The following TTC28 variants were observed in gnomAD, a reference collection of about 807,000 sequenced individuals.
TTC28 encodes the protein tetratricopeptide repeat domain 28.
Under a neutral mutation model 198.0 loss-of-function variants are expected in TTC28, and 61 were observed. The observed-to-expected ratio is 0.31, with a 90% CI of 0.25 to 0.38. TTC28 has a LOEUF of 0.38. Ranked by LOEUF, TTC28 falls within the 10% of genes least tolerant of loss-of-function variation. The pLI, the probability that TTC28 is intolerant of heterozygous loss-of-function variation, is 1.00. For missense variants in TTC28, 2,678 were observed against 3,164.0 expected (o/e 0.85, Z 3.69); for synonymous variants, 1,171 against 1,297.8 (o/e 0.90, Z 2.10).
At chr22:28,255,489 C>A (rs1488301752) in intron 5 of TTC28, among the ~76,000 whole-genome samples, 4 of 152,086 alleles carry the variant, frequency 2.6e-5, no homozygotes, top group Non-Finnish European at 5.9e-5. Context: ...CAAGACCAGC[C>A]TGACCAACGT....
chr22:28,223,371 T>C (rs991312585), intron 5 of TTC28, among the ~76,000 whole-genome samples: 11 of 152,232 alleles, frequency 7.2e-5, no homozygotes, highest in African/African-American at 2.7e-4. Flanking sequence ...AAAGGATACC[T>C]TGGTTTCTTC....
At chr22:28,108,602 C>T (rs944608941) in intron 6 of TTC28, among the ~76,000 whole-genome samples, 199 bp from the exon 7 acceptor site, 4 of 151,718 alleles carry the variant, frequency 2.6e-5, no homozygotes, top group Non-Finnish European at 4.4e-5. Context: ...CAGAAAAAAA[C>T]ATTTACTGAT....
chr22:28,528,457 C>T (rs1245708611), intron 2 of TTC28, among the ~76,000 whole-genome samples: 1 of 151,856 alleles, frequency 6.6e-6, no homozygotes, highest in Non-Finnish European at 1.5e-5. Flanking sequence ...AGGCCAGGCA[C>T]AGTGGCTCAT....
rs982794344 is a variant in TTC28, at chr22:27,980,403, T to G, written c.*1818A>C. ...AATAAGACATGCTTATTGTTGGCTT[T>G]TGTCAACATGGCTGTTGGTTAAATT... is the stretch of plus-strand genomic sequence containing the variant. On this transcript the variant is annotated 3_prime_UTR_variant, in exon 23 of 23. Transcript: ENST00000397906. 3 of 152,242 alleles carry G rather than the reference T, an allele frequency of 2.0e-5. No individual in the cohort carries two copies. The highest frequency in any genetic ancestry group is 7.2e-5 in the African/African-American group (3 of 41,462). The allele number at this position is 152,242 out of a possible 1,614,324, so 9.4% of individuals were successfully genotyped here. A position where few individuals can be genotyped will look rare whatever the true frequency, so the allele number is the denominator to read the frequency against.
rs1389066808 is a variant in TTC28 at position 28,082,123 on chromosome 22, A to C, written c.3932+11957T>G. Among the ~76,000 whole-genome samples, 7 of 152,296 alleles carry C rather than the reference A, an allele frequency of 4.6e-5. No individual in the cohort carries two copies. In the East Asian group the frequency reaches 9.6e-4, roughly 21 times the overall value. On this transcript the variant is annotated intron_variant, in intron 12 of 22. Transcript: ENST00000397906. ...GATTTCATATCCTGCAGATTTACTA[A>C]ATCTGTTTATTAGCTCTAATAGTTT...
chr22:28,382,874 T>C (rs2046516948), intron 2 of TTC28, among the ~76,000 whole-genome samples: 1 of 152,170 alleles, frequency 6.6e-6, no homozygotes, highest in Non-Finnish European at 1.5e-5. Flanking sequence ...TGTATGAAAC[T>C]ATTTGTACCA....
chr22:28,177,318 G>A (rs75222213), intron 5 of TTC28, among the ~76,000 whole-genome samples: 2,893 of 152,260 alleles, frequency 0.019, 39 homozygotes, highest in Non-Finnish European at 0.029. Context: ...CACTACATAC[G>A]TATTAGAACA....
In TTC28 at chr22:28,651,566, C is replaced by A. The variant is rs555740831; in HGVS notation, c.103-21736G>T. ...ATGTAACTGGGACCACAGGTGTATG[C>A]CACCACACCTGGCTAATTTTTTATT... is the stretch of plus-strand genomic sequence containing the variant. On this transcript the variant is annotated intron_variant, in intron 1 of 22. Coordinates refer to ENST00000397906, the MANE Select transcript of TTC28 (RefSeq NM_001145418.2). 2.6e-5 allele frequency among the ~76,000 whole-genome samples: 4 copies of A among 152,070 alleles called. No individual in the cohort carries two copies. The East Asian group carries it at 7.8e-4, about 30-fold the overall frequency.
At chr22:28,050,072 G>C (rs1431805809) in intron 12 of TTC28, among the ~76,000 whole-genome samples, 1 of 152,114 alleles carries the variant, frequency 6.6e-6, no homozygotes, top group Admixed American at 6.5e-5. Flanking sequence ...AGCTATAAGG[G>C]TACAGCTGGG....
intron 2 of TTC28, among the ~76,000 whole-genome samples, chr22:28,569,859 A>G (rs2050034064): frequency 6.6e-6 from 1 of 152,078 alleles, no homozygotes; most frequent in East Asian, 1.9e-4. Context: ...TAAATCAACA[A>G]GCAACAACCA....
At chr22:28,507,264 C>T (rs2048624892) in intron 2 of TTC28, among the ~76,000 whole-genome samples, 1 of 152,106 alleles carries the variant, frequency 6.6e-6, no homozygotes. Context: ...CCTCACAATG[C>T]CATCACAAGT....
intron 2 of TTC28, among the ~76,000 whole-genome samples, chr22:28,470,208 T>A (rs985597646): frequency 6.6e-6 from 1 of 152,218 alleles, no homozygotes; most frequent in Non-Finnish European, 1.5e-5. Context: ...TTTATTACAG[T>A]GGCAACAGGA....
intron 5 of TTC28, among the ~76,000 whole-genome samples, chr22:28,191,669 T>G (rs1220352895): frequency 6.6e-6 from 1 of 152,234 alleles, no homozygotes; most frequent in Non-Finnish European, 1.5e-5. Context: ...GAGGGTCCTA[T>G]GCCCACGGAG....
At chr22:28,246,152 C>T (rs1032587238) in intron 5 of TTC28, among the ~76,000 whole-genome samples, 2 of 152,052 alleles carry the variant, frequency 1.3e-5, no homozygotes, top group South Asian at 2.1e-4. Context: ...ATTTGTTAAA[C>T]GAAGGAATAC....
At chr22:28,594,050 A>T (rs758914544) in intron 2 of TTC28, among the ~76,000 whole-genome samples, 1 of 152,154 alleles carries the variant, frequency 6.6e-6, no homozygotes, top group African/African-American at 2.4e-5. Context: ...AGACGAAAAC[A>T]AAAAGTTCCC....
chr22:28,224,345 A>C (rs374226944), intron 5 of TTC28, among the ~76,000 whole-genome samples: 2 of 152,270 alleles, frequency 1.3e-5, no homozygotes, highest in South Asian at 2.1e-4. Flanking sequence ...CCAAGGTTCC[A>C]TAGCACATGT....
intron 8 of TTC28, among the ~76,000 whole-genome samples, chr22:28,104,512 A>T (rs1331100539): frequency 2.0e-5 from 3 of 152,160 alleles, no homozygotes; most frequent in Non-Finnish European, 4.4e-5. Flanking sequence ...GGGTGAGAGG[A>T]TCCAATATGC....
chr22:28,163,024 G>T, intron 6 of TTC28, 68 bp downstream of exon 6: 1 of 1,442,498 alleles, frequency 6.9e-7, no homozygotes. Context: ...ATAAAAGATA[G>T]TGATCTACTC....
intron 2 of TTC28, among the ~76,000 whole-genome samples, chr22:28,415,681 C>T (rs2047157740): frequency 6.6e-6 from 1 of 152,160 alleles, no homozygotes; most frequent in African/African-American, 2.4e-5. Flanking sequence ...TGAATGGGTA[C>T]ATAATGGATA....
Sources: allele counts gnomAD v4.1 joint callset (sites outside exome capture counted in the v4.1 genomes callset), GRCh38; gene constraint gnomAD v4.1.1; transcripts MANE v1.5; gene names NCBI Gene and HGNC (gene_info 2026-07-23, HGNC 2026-07-21).